The following NBEAL1 variants were observed in gnomAD, a reference collection of about 807,000 sequenced individuals.
The protein encoded by NBEAL1 is neurobeachin-like protein 1.
In NBEAL1, 273 loss-of-function variants were observed where a neutral mutation model predicts 351.3. The ratio of observed to expected loss-of-function variants is 0.78; its 90% CI spans 0.70 to 0.86. The LOEUF (loss-of-function observed/expected upper bound fraction) is 0.86. Ranked by LOEUF, NBEAL1 falls within the 40% of genes least tolerant of loss-of-function variation. The pLI is 0.00. For missense variants in NBEAL1, 2,961 were observed against 3,201.3 expected, an observed-to-expected ratio of 0.92 and a Z score of 1.81; for synonymous variants, 1,050 against 1,086.4, an observed-to-expected ratio of 0.97 and a Z score of 0.66.
At chr2:203,156,001 G>A (rs914327496) in intron 35 of NBEAL1, among the ~76,000 whole-genome samples, 1 of 152,048 alleles carries the variant, frequency 6.6e-6, no homozygotes, top group African/African-American at 2.4e-5. Context: ...AATGTTTCCA[G>A]CTGCCTGTTG....
intron 8 of NBEAL1, among the ~76,000 whole-genome samples, chr2:203,078,384 G>T (rs187589977): frequency 8.5e-5 from 13 of 152,114 alleles, no homozygotes; most frequent in Admixed American, 3.3e-4. Flanking sequence ...GTGTTTCCCA[G>T]GCTGGAGTGC....
rs1424786905 is a variant in NBEAL1 at position 203,201,589 on chromosome 2, A to G, written c.7285A>G (p.Thr2429Ala). The G allele has an allele frequency of 1.2e-6, 2 of 1,604,682 alleles. No homozygotes were observed. Among genetic ancestry groups the G allele is most frequent in the African/African-American group, 1.3e-5 (1 of 74,686 alleles). Residue 2429 changes from threonine (T) to alanine (A), a missense_variant, in exon 50 of 56, where the codon ACT becomes GCT. Transcript: ENST00000683969. ...NGSFAPGLEI[T>A]SKLFVVSHDA... ...TTCTTTTGCTCCCGGGCTAGAGATC[A>G]CTTCTAAGCTATTTGTAGTATCACA...
intron 27 of NBEAL1, among the ~76,000 whole-genome samples, chr2:203,135,081 CA>C (rs963939132): frequency 2.0e-5 from 3 of 150,668 alleles, no homozygotes; most frequent in African/African-American, 7.3e-5. Flanking sequence ...GAGGCTGAGG[CA>C]GGAGAGTTGC....
chr2:203,125,276 T>G, intron 19 of NBEAL1, 76 bp from the exon 20 acceptor site: 1 of 1,079,718 alleles, frequency 9.3e-7, no homozygotes, highest in Non-Finnish European at 1.3e-6. Context: ...AGATTATAAC[T>G]TCATACATGT....
intron 3 of NBEAL1, among the ~76,000 whole-genome samples, chr2:203,047,831 A>T (rs775690249): frequency 6.1e-5 from 9 of 147,800 alleles, no homozygotes; most frequent in African/African-American, 1.0e-4. Flanking sequence ...GCAACCTCGA[A>T]CTCTTGGGCT....
intron 2 of NBEAL1, among the ~76,000 whole-genome samples, chr2:203,025,936 A>G (rs2060849403): frequency 6.6e-6 from 1 of 151,392 alleles, no homozygotes; most frequent in South Asian, 2.1e-4. Flanking sequence ...GGCATTGGAG[A>G]CTACACTTTG....
Position 203,125,366 on chromosome 2 carries a change from C to T in NBEAL1, c.2697C>T (p.Cys899=). Residue 899 remains cysteine, a synonymous_variant, in exon 20 of 56, where the codon TGC becomes TGT. Transcript: ENST00000683969. The part of the protein sequence containing the change: ...VNWDIKDIIN[C]IGGLNVLFPL... ...TTTCCCTTTAGGATATCATAAACTG[C>T]ATAGGTGGGTTAAATGTACTCTTTC... 1.3e-6 allele frequency: 2 copies of T among 1,530,000 alleles called. No homozygotes were observed. Among genetic ancestry groups the T allele is most frequent in the South Asian group, 1.3e-5 (1 of 79,056 alleles). 94.8% of individuals were successfully genotyped at this position (1,530,000 alleles called of 1,614,324 possible).
chr2:203,147,084 CT>C (rs1447894895), intron 33 of NBEAL1, among the ~76,000 whole-genome samples: 1 of 152,126 alleles, frequency 6.6e-6, no homozygotes, highest in Non-Finnish European at 1.5e-5. Context: ...AACCTGAGTA[CT>C]TTTCTCTAAG....
intron 4 of NBEAL1, among the ~76,000 whole-genome samples, chr2:203,053,352 A>G (rs914308684): frequency 1.5e-4 from 23 of 152,196 alleles, no homozygotes; most frequent in African/African-American, 3.9e-4. Context: ...TCATATGGCT[A>G]TATACCATTT....
At position 203,108,207 on chromosome 2, in the gene NBEAL1, G is replaced by C; in HGVS notation, c.1949+19G>C. 1 of 1,460,684 alleles carries C rather than the reference G, an allele frequency of 6.8e-7. No homozygotes were observed. The highest frequency in any genetic ancestry group is 9.3e-7 in the Non-Finnish European group (1 of 1,075,588). 90.5% of individuals were successfully genotyped at this position (1,460,684 alleles called of 1,614,324 possible). ...TGTACAGGTATTGGTAAAAATTATG[G>C]AATATAAATGAATACTGTCATAACA... On this transcript the variant is annotated intron_variant, in intron 14 of 55. Transcript: ENST00000683969.
At chr2:203,046,292 T>G (rs2061224115) in intron 3 of NBEAL1, among the ~76,000 whole-genome samples, 1 of 152,134 alleles carries the variant, frequency 6.6e-6, no homozygotes, top group South Asian at 2.1e-4. Flanking sequence ...CTTGGCTCAC[T>G]GCAACCTCTG....
At position 203,113,207 on chromosome 2, in the gene NBEAL1, A is replaced by G. The variant is rs1190774074; in HGVS notation, c.2395A>G (p.Thr799Ala). The part of the protein sequence containing the change: ...KLITKLISAG[T>A]QDSEWGCPTS... Reference sequence around the variant, plus strand: ...GATTACCAAATTGATATCAGCTGGAACCCAAGACAGTGAATGGGGGTGTCC... The same window carrying G: ...GATTACCAAATTGATATCAGCTGGAGCCCAAGACAGTGAATGGGGGTGTCC... Residue 799 changes from threonine (T) to alanine (A), a missense_variant, in exon 17 of 56, where the codon ACC becomes GCC. Transcript: ENST00000683969. 1.3e-6 allele frequency: 2 copies of G among 1,548,204 alleles called. No homozygotes were observed. Among genetic ancestry groups the G allele is most frequent in the Non-Finnish European group, 1.7e-6 (2 of 1,145,174 alleles).
intron 7 of NBEAL1, among the ~76,000 whole-genome samples, chr2:203,068,890 C>T (rs899207318): frequency 2.4e-4 from 37 of 151,978 alleles, no homozygotes; most frequent in Admixed American, 1.1e-3. Context: ...CCACCACACC[C>T]GGCTCATTTT....
At chr2:203,045,655 A>G (rs1402134759) in intron 3 of NBEAL1, among the ~76,000 whole-genome samples, 3 of 152,246 alleles carry the variant, frequency 2.0e-5, no homozygotes, top group Non-Finnish European at 2.9e-5. Context: ...GAAAGAAGCT[A>G]ACTGTATTCT....
At position 203,186,747 on chromosome 2, in the gene NBEAL1, TCTAAA is replaced by T. The variant is rs1206829695; in HGVS notation, c.6706-1721_6706-1717del. On this transcript the variant is annotated intron_variant, in intron 44 of 55. Coordinates refer to ENST00000683969, the MANE Select transcript of NBEAL1 (RefSeq NM_001378026.1). Reference sequence around the variant, plus strand: ...TTTTTAAACAGTTTCTCTCTTTTACTCTAAACTAGTCTAATTCCATTTAAAACTTT... The same window carrying T: ...TTTTTAAACAGTTTCTCTCTTTTACTCTAGTCTAATTCCATTTAAAACTTT... Among the ~76,000 whole-genome samples, 20 of 152,348 alleles carry T rather than the reference TCTAAA, an allele frequency of 1.3e-4. No homozygotes were observed. The South Asian group carries it at 1.4e-3, about 11-fold the overall frequency.
chr2:203,166,343 T>C (rs749227289), intron 37 of NBEAL1, 46 bp downstream of exon 37: 6 of 1,499,090 alleles, frequency 4.0e-6, no homozygotes, highest in African/African-American at 1.4e-5. Context: ...AATAATTAAG[T>C]ATCTAATTTA....
rs762033620 is a variant in NBEAL1, at chr2:203,136,167, C to T, written c.4304C>T (p.Ser1435Leu). ...STPSPVESTKSFSVHSDRESS... is the reference protein window; with the variant it reads ...STPSPVESTKLFSVHSDRESS... ...CCATCCCCAGTAGAGTCTACTAAATCGTTTTCTGTGCACTCTGACAGAGAA... is the reference window on the plus strand; with the variant it reads ...CCATCCCCAGTAGAGTCTACTAAATTGTTTTCTGTGCACTCTGACAGAGAA... The change falls in exon 28 of 56, where the codon TCG becomes TTG. Residue 1435 changes from serine (S) to leucine (L), a missense_variant. Physicochemically the swap from Ser to Leu is moderately radical, Grantham distance 145. Transcript: ENST00000683969. 8.1e-6 allele frequency: 13 copies of T among 1,613,778 alleles called. No individual in the cohort carries two copies. In the Admixed American group the frequency reaches 1.5e-4, roughly 19 times the overall value.
intron 8 of NBEAL1, among the ~76,000 whole-genome samples, chr2:203,082,693 T>C (rs1254988052): frequency 6.6e-6 from 1 of 152,136 alleles, no homozygotes; most frequent in Non-Finnish European, 1.5e-5. Context: ...CGATTTGAGG[T>C]TGTTTTTTAT....
At chr2:203,112,505 G>A (rs2106245765) in intron 16 of NBEAL1, among the ~76,000 whole-genome samples, 1 of 152,258 alleles carries the variant, frequency 6.6e-6, no homozygotes, top group Non-Finnish European at 1.5e-5. Context: ...TTTTAGTTAG[G>A]TATAAAATAG....
Sources: gnomAD v4.1 joint callset for allele counts (sites outside exome capture counted in the v4.1 genomes callset) on GRCh38, gnomAD v4.1.1 for gene constraint, MANE v1.5 for transcripts, NCBI Gene and HGNC (gene_info 2026-07-23, HGNC 2026-07-21) for gene names.